Variants in DCTPP1 observed in about 807,000 individuals in gnomAD.
DCTPP1 encodes dCTP pyrophosphatase 1.
In DCTPP1, 8 loss-of-function variants were observed where a neutral mutation model predicts 8.8. That is an observed-to-expected ratio of 0.91 (90% CI 0.54 to 1.64). DCTPP1 has a LOEUF of 1.64. Ranked by LOEUF, DCTPP1 falls within the 40% of genes most tolerant of loss-of-function variation. The pLI, the probability that DCTPP1 is intolerant of heterozygous loss-of-function variation, is 0.00. For missense variants in DCTPP1, 231 were observed against 230.4 expected (o/e 1.00, Z -0.02); for synonymous variants, 85 against 92.1 (o/e 0.92, Z 0.44).
intron 2 of DCTPP1, 85 bp downstream of exon 2, chr16:30,428,972 C>T: frequency 7.3e-7 from 1 of 1,368,560 alleles, no homozygotes; most frequent in Non-Finnish European, 1.0e-6. Flanking sequence ...GGAAACTGAA[C>T]CCATGAATGT....
intron 1 of DCTPP1, 79 bp from the exon 2 acceptor site, chr16:30,429,246 A>ACTACGGGG: frequency 7.0e-7 from 1 of 1,427,000 alleles, no homozygotes; most frequent in Non-Finnish European, 9.8e-7. Context: ...CTACCCCCGT[A>ACTACGGGG]GTATGTAATG....
chr16:30,426,239 G>C (rs556838329), intron 2 of DCTPP1, among the ~76,000 whole-genome samples: 1 of 151,924 alleles, frequency 6.6e-6, no homozygotes, highest in East Asian at 1.9e-4. Flanking sequence ...GCAGTGGCAC[G>C]ATCTTGGCTC....
At position 30,424,497 on chromosome 16, in the gene DCTPP1, G is replaced by C; in HGVS notation, c.249C>G (p.Gly83=). The change falls in exon 3 of 3, where the codon GGC becomes GGG. Residue 83 remains glycine (G), a synonymous_variant. Coordinates refer to ENST00000319285, the MANE Select transcript of DCTPP1 (RefSeq NM_024096.2). ...GGGCTGCCCGTTCCCTGGGGGACCA[G>C]CCTTGGGGGCCAGGTTCCCCATCGG... ...WKTDGEPGPQ[G]WSPRERAALQ... is the part of the protein sequence containing the mutation. The C allele has an allele frequency of 6.2e-7, 1 of 1,614,096 alleles. No homozygotes were observed. Among genetic ancestry groups the C allele is most frequent in the Non-Finnish European group, 8.5e-7 (1 of 1,180,034 alleles).
Position 30,424,050 on chromosome 16 carries a change from C to T in DCTPP1, c.*183G>A. 2.8e-6 allele frequency: 2 copies of T among 726,112 alleles called. No individual in the cohort carries two copies. Among genetic ancestry groups the T allele is most frequent in the Non-Finnish European group, 4.4e-6 (2 of 455,232 alleles). The allele number at this position is 726,112 out of a possible 1,614,324, so 45.0% of individuals were successfully genotyped here. A position where few individuals can be genotyped will look rare whatever the true frequency, so the allele number is the denominator to read the frequency against. On this transcript the variant is annotated 3_prime_UTR_variant, in exon 3 of 3. Transcript: ENST00000319285. ...ATAATCTAGAAGTTATCGCCCAAAA[C>T]CATTTTACTGGGAGAACAAACACCA...
At chr16:30,427,348 T>C (rs2050200499) in intron 2 of DCTPP1, among the ~76,000 whole-genome samples, 1 of 151,620 alleles carries the variant, frequency 6.6e-6, no homozygotes. Context: ...AGTCTTGCTC[T>C]GTCGCCCAGG....
At chr16:30,429,015 C>T (rs750311765) in intron 2 of DCTPP1, 42 bp downstream of exon 2, 7 of 1,562,230 alleles carry the variant, frequency 4.5e-6, no homozygotes, top group Non-Finnish European at 6.1e-6. Context: ...CCTCCCCTCC[C>T]CCACAACTCA....
At chr16:30,426,038 T>A (rs2050190553) in intron 2 of DCTPP1, among the ~76,000 whole-genome samples, 1 of 152,154 alleles carries the variant, frequency 6.6e-6, no homozygotes, top group African/African-American at 2.4e-5. Context: ...GGCCAGACTG[T>A]CACAGGCCTT....
rs1203545368 is a variant in DCTPP1 at position 30,424,515 on chromosome 16, C to G, written c.231G>C (p.Gly77=). 1.2e-6 allele frequency: 2 copies of G among 1,613,892 alleles called. No individual in the cohort carries two copies. Among genetic ancestry groups the G allele is most frequent in the Admixed American group, 1.7e-5 (1 of 60,014 alleles). The part of the protein sequence containing the change: ...LAELFQWKTD[G]EPGPQGWSPR... ...GGGACCAGCCTTGGGGGCCAGGTTC[C>G]CCATCGGTTTTCCACTGACTAGGGG... Residue 77 remains glycine (G), a synonymous_variant, in exon 3 of 3, where the codon GGG becomes GGC. Coordinates refer to ENST00000319285, the MANE Select transcript of DCTPP1 (RefSeq NM_024096.2).
At chr16:30,429,307 A>G in intron 1 of DCTPP1, 140 bp from the exon 2 acceptor site, 2 of 772,796 alleles carry the variant, frequency 2.6e-6, no homozygotes, top group Non-Finnish European at 3.9e-6. Flanking sequence ...GGTATTGTGC[A>G]GGTCATTTCC....
Position 30,429,760 on chromosome 16 carries a change from C to A in DCTPP1, c.101+120G>T, listed in dbSNP as rs1039187724. On this transcript the variant is annotated intron_variant, in intron 1 of 2. Coordinates refer to ENST00000319285, the MANE Select transcript of DCTPP1 (RefSeq NM_024096.2). Reference sequence around the variant, plus strand: ...TAAGAAGGCTCACCCAGGGACAGCCCACAGAGCCAGGACCCGAGCCCCGCT... The same window carrying A: ...TAAGAAGGCTCACCCAGGGACAGCCAACAGAGCCAGGACCCGAGCCCCGCT... 3.1e-6 allele frequency: 3 copies of A among 969,788 alleles called. No homozygotes were observed. In the Admixed American group the frequency reaches 8.0e-5, roughly 26 times the overall value. 60.1% of individuals were successfully genotyped at this position (969,788 alleles called of 1,614,324 possible).
chr16:30,429,477 T>C (rs1450627027), intron 1 of DCTPP1: 1 of 410,634 alleles, frequency 2.4e-6, no homozygotes, highest in Non-Finnish European at 4.3e-6. Flanking sequence ...AAATGCAATT[T>C]CTCTTACAGA....
intron 2 of DCTPP1, among the ~76,000 whole-genome samples, chr16:30,425,869 C>T (rs558477071): frequency 1.3e-4 from 20 of 152,268 alleles, no homozygotes; most frequent in African/African-American, 4.8e-4. Context: ...GTATTTTTCC[C>T]CTTCTCTGCT....
chr16:30,428,523 A>G (rs1171796194), intron 2 of DCTPP1, among the ~76,000 whole-genome samples: 3 of 151,938 alleles, frequency 2.0e-5, no homozygotes, highest in African/African-American at 7.3e-5. Context: ...TAATCCCAGC[A>G]CTTTGGGAGG....
chr16:30,428,746 G>T (rs774317090), intron 2 of DCTPP1: 13 of 407,670 alleles, frequency 3.2e-5, no homozygotes, highest in Non-Finnish European at 4.8e-5. Context: ...CAGCCTGGGC[G>T]ACAGAGCGAG....
chr16:30,428,953 A>G, intron 2 of DCTPP1, 104 bp downstream of exon 2: 1 of 1,232,150 alleles, frequency 8.1e-7, no homozygotes. Context: ...GAGCCTAGCA[A>G]TCAGGAGGGG....
chr16:30,426,476 G>GT (rs35240032), intron 2 of DCTPP1, among the ~76,000 whole-genome samples: 91,731 of 138,672 alleles, frequency 0.66, 30,451 homozygotes, highest in East Asian at 0.91. Context: ...CACCTGGCCG[G>GT]TTTTTTTTTT....
intron 1 of DCTPP1, 189 bp from the exon 2 acceptor site, chr16:30,429,356 G>A (rs1198529747): frequency 3.6e-6 from 2 of 557,708 alleles, no homozygotes; most frequent in East Asian, 3.2e-5. Context: ...TAAAATGGGC[G>A]TGCCCCTGAA....
intron 2 of DCTPP1, among the ~76,000 whole-genome samples, chr16:30,425,289 C>T (rs557115659): frequency 1.8e-3 from 279 of 152,168 alleles, no homozygotes; most frequent in Non-Finnish European, 3.2e-3. Context: ...GAGTTCAAGA[C>T]CAGCCTGGCC....
rs1014862414 is a variant in DCTPP1 at position 30,424,364 on chromosome 16, G to A, written c.382C>T (p.Arg128Cys). 9.3e-6 allele frequency: 15 copies of A among 1,614,218 alleles called. No individual in the cohort carries two copies. The highest frequency in any genetic ancestry group is 1.3e-5 in the Non-Finnish European group (15 of 1,180,052). ...VLSKMDINRR[R>C]YPAHLARSSS... ...CTGCGGGCCAGATGGGCTGGGTAGC[G>A]TCGCCGGTTGATGTCCATTTTGGAG... The change falls in exon 3 of 3, where the codon CGC (arginine) becomes TGC (cysteine). Residue 128 changes from arginine to cysteine, a missense_variant. By Grantham distance (180) the Arg-to-Cys change is radical. Coordinates refer to ENST00000319285, the MANE Select transcript of DCTPP1 (RefSeq NM_024096.2).
Sources: gnomAD v4.1 joint callset for allele counts (sites outside exome capture counted in the v4.1 genomes callset) on GRCh38, gnomAD v4.1.1 for gene constraint, MANE v1.5 for transcripts, NCBI Gene and HGNC (gene_info 2026-07-23, HGNC 2026-07-21) for gene names.